The following CACNB1 variants were observed in gnomAD, a reference collection of about 807,000 sequenced individuals.
The protein encoded by CACNB1 is calcium voltage-gated channel auxiliary subunit beta 1, also known as voltage-dependent L-type calcium channel subunit beta-1.
In CACNB1, 29 loss-of-function variants were observed where a neutral mutation model predicts 71.6. That is an observed-to-expected ratio of 0.40 (90% CI 0.30 to 0.55). CACNB1 has a LOEUF of 0.55. Among genes scored for constraint, CACNB1 ranks in the 20% least tolerant of loss-of-function variants. The probability of loss-of-function intolerance (pLI) is 0.38; values close to 1 mark genes in which losing one functional copy is unlikely to be tolerated. For missense variants in CACNB1, 623 were observed against 801.8 expected, an observed-to-expected ratio of 0.78 and a Z score of 2.69; for synonymous variants, 300 against 319.6, an observed-to-expected ratio of 0.94 and a Z score of 0.65.
rs766765217 is a variant in CACNB1 at position 39,187,605 on chromosome 17, G to A, written c.292-4C>T. ...CAGCAAATGCCACTGGCTTGGTCTAGAGGAGGCACACAGGGGAGGATGGCA... is the reference window on the plus strand; with the variant it reads ...CAGCAAATGCCACTGGCTTGGTCTAAAGGAGGCACACAGGGGAGGATGGCA... On this transcript the variant is annotated splice_polypyrimidine_tract_variant and splice_region_variant and intron_variant, in intron 3 of 13. Transcript: ENST00000394303. 9.3e-6 allele frequency: 15 copies of A among 1,614,074 alleles called. No individual in the cohort carries two copies. The African/African-American group carries it at 1.9e-4, about 20-fold the overall frequency.
Position 39,175,802 on chromosome 17 carries a change from A to C in CACNB1, c.1333-145T>G. 856 of 621,750 alleles carry C rather than the reference A, an allele frequency of 1.4e-3. No homozygotes were observed. Among genetic ancestry groups the C allele is most frequent in the East Asian group, 2.5e-3 (82 of 32,978 alleles). The allele number at this position is 621,750 out of a possible 1,614,324, so 38.5% of individuals were successfully genotyped here. The stretch of plus-strand genomic sequence containing the variant: ...CTCTAGAGGAGGGGCCCCGGGGACA[A>C]ACGGCTCTGGAGCCCAGCCAGAGGA... On this transcript the variant is annotated intron_variant, in intron 13 of 13. Transcript: ENST00000394303. The surrounding 1 kb of genome is among the most constrained non-coding windows in gnomAD (Gnocchi z 4.7).
At chr17:39,195,882 C>A (rs1437053354) in intron 1 of CACNB1, among the ~76,000 whole-genome samples, 1 of 152,180 alleles carries the variant, frequency 6.6e-6, no homozygotes, top group Non-Finnish European at 1.5e-5. Flanking sequence ...AGGGGGTAAG[C>A]TGGCTCAGTC....
rs989884278 is a variant in CACNB1 at position 39,173,665 on chromosome 17, C to A, written c.*1528G>T. The A allele has an allele frequency of 5.2e-5, 8 of 152,382 alleles. No homozygotes were observed. Among genetic ancestry groups the A allele is most frequent in the African/African-American group, 1.9e-4 (8 of 41,436 alleles). 9.4% of individuals were successfully genotyped at this position (152,382 alleles called of 1,614,324 possible). On this transcript the variant is annotated 3_prime_UTR_variant, in exon 14 of 14. Transcript: ENST00000394303. ...GGCCAAAATCAAAGGATCATCTTTT[C>A]TTTTGAGTCAATGACTCAGGGCACA... is the stretch of plus-strand genomic sequence containing the variant.
chr17:39,186,107 G>C lies in CACNB1; in HGVS notation c.628+389C>G. 6.2e-7 allele frequency: 1 copy of C among 1,613,414 alleles called. No individual in the cohort carries two copies. Among genetic ancestry groups the C allele is most frequent in the Non-Finnish European group, 8.5e-7 (1 of 1,179,582 alleles). Reference sequence around the variant, plus strand: ...GGCTAAGTTAGTCATTTCATTACCTGGACCGGAGAGTCAGGAGAGAGGGAG... The same window carrying C: ...GGCTAAGTTAGTCATTTCATTACCTCGACCGGAGAGTCAGGAGAGAGGGAG... On this transcript the variant is annotated intron_variant, in intron 6 of 13. Coordinates refer to ENST00000394303, the MANE Select transcript of CACNB1 (RefSeq NM_000723.5). The surrounding 1 kb of genome is among the most constrained non-coding windows in gnomAD (Gnocchi z 4.1).
At position 39,184,385 on chromosome 17, in the gene CACNB1, T is replaced by C; in HGVS notation, c.730-2A>G. The stretch of plus-strand genomic sequence containing the variant: ...AGCTTTCTGCATCATGTCTGTAACC[T>C]GGGGGTGGGGGTTTGTGGGGAGGGA... On this transcript the variant is annotated splice_acceptor_variant, in intron 8 of 13. Coordinates refer to ENST00000394303, the MANE Select transcript of CACNB1 (RefSeq NM_000723.5). LOFTEE classifies it high-confidence loss of function. 1.8e-6 allele frequency: 1 copy of C among 561,842 alleles called. No homozygotes were observed. The highest frequency in any genetic ancestry group is 3.1e-6 in the Non-Finnish European group (1 of 321,378). 34.8% of individuals were successfully genotyped at this position (561,842 alleles called of 1,614,324 possible).
At chr17:39,185,053 G>T in intron 7 of CACNB1, 78 bp downstream of exon 7, 1 of 1,312,744 alleles carries the variant, frequency 7.6e-7, no homozygotes, top group Non-Finnish European at 1.1e-6. Context: ...GGGGACAGAT[G>T]TGGGAATGGG....
At chr17:39,177,934 C>A in intron 12 of CACNB1, 50 bp downstream of exon 12, 1 of 1,443,820 alleles carries the variant, frequency 6.9e-7, no homozygotes, top group Non-Finnish European at 9.8e-7. Flanking sequence ...GAAACCAGGA[C>A]AACCCAAATG....
In CACNB1 at chr17:39,175,281, G is replaced by A. The variant is rs2045547346; in HGVS notation, c.1709C>T (p.Ala570Val). ...ACCCCCACCCTCAGCGCAGTAGCGGGCCTTATTCCGGCCCCGGTTCCGGTT... is the reference window on the plus strand; with the variant it reads ...ACCCCCACCCTCAGCGCAGTAGCGGACCTTATTCCGGCCCCGGTTCCGGTT... ...TDNRNRGRNKARYCAEGGGPV... is the reference protein window; with the variant it reads ...TDNRNRGRNKVRYCAEGGGPV... The change falls in exon 14 of 14, where the codon GCC becomes GTC. Residue 570 changes from alanine (A) to valine (V), a missense_variant. By Grantham distance (64) the Ala-to-Val change is moderately conservative (BLOSUM62 0). Transcript: ENST00000394303. The surrounding 1 kb of genome is among the most constrained non-coding windows in gnomAD (Gnocchi z 4.7). The A allele has an allele frequency of 6.2e-7, 1 of 1,614,060 alleles. No homozygotes were observed. Among genetic ancestry groups the A allele is most frequent in the Non-Finnish European group, 8.5e-7 (1 of 1,180,028 alleles).
intron 4 of CACNB1, 196 bp from the exon 5 acceptor site, chr17:39,187,125 T>C: frequency 1.6e-6 from 1 of 629,060 alleles, no homozygotes; most frequent in South Asian, 2.0e-5. Flanking sequence ...GCATGCTTTC[T>C]GGCCATGGAC....
intron 6 of CACNB1, among the ~76,000 whole-genome samples, 191 bp from the exon 7 acceptor site, chr17:39,185,341 G>A (rs146711919): frequency 6.6e-6 from 1 of 152,230 alleles, no homozygotes; most frequent in East Asian, 1.9e-4. Context: ...ACGCCAAGGG[G>A]GAGCCAGAGG....
intron 11 of CACNB1, among the ~76,000 whole-genome samples, chr17:39,182,393 T>G (rs2045792929): frequency 6.7e-6 from 1 of 149,654 alleles, no homozygotes; most frequent in South Asian, 2.1e-4. Context: ...TTACCACTAT[T>G]GGCTGCCCTC....
Position 39,177,991 on chromosome 17 carries a change from C to T in CACNB1, c.1139G>A (p.Cys380Tyr). 2 of 1,612,956 alleles carry T rather than the reference C, an allele frequency of 1.2e-6. No individual in the cohort carries two copies. Among genetic ancestry groups the T allele is most frequent in the East Asian group, 2.2e-5 (1 of 44,870 alleles). Residue 380 changes from cysteine (C) to tyrosine (Y), a missense_variant, in exon 12 of 14, where the codon TGC (cysteine) becomes TAC (tyrosine). Coordinates refer to ENST00000394303, the MANE Select transcript of CACNB1 (RefSeq NM_000723.5). ...TGGGATCTAGGCACTCACAGGGGGGCACTGTGCCAGCTTTTCCGAGGCCGC... is the reference window on the plus strand; with the variant it reads ...TGGGATCTAGGCACTCACAGGGGGGTACTGTGCCAGCTTTTCCGAGGCCGC... ...QIAASEKLAQ[C>Y]PPEMFDIILD...
In CACNB1 at chr17:39,187,468, C is replaced by A. The variant is rs1217455388; in HGVS notation, c.414+11G>T. On this transcript the variant is annotated intron_variant, in intron 4 of 13. Transcript: ENST00000394303. ...GGCACCCACTTCCCTGCCCTCCCTC[C>A]AGATACCCACCTCCTTGATGTGCAG... 6.2e-7 allele frequency: 1 copy of A among 1,613,810 alleles called. No homozygotes were observed. The highest frequency in any genetic ancestry group is 8.5e-7 in the Non-Finnish European group (1 of 1,179,814).
At chr17:39,184,698 G>T in intron 8 of CACNB1, 86 bp downstream of exon 8, 1 of 973,606 alleles carries the variant, frequency 1.0e-6, no homozygotes. Flanking sequence ...GGATGCCTTG[G>T]GATCGGGCCC....
Position 39,175,108 on chromosome 17 carries a change from G to C in CACNB1, c.*85C>G, listed in dbSNP as rs1457228490. ...AGGAGGGAGACAGCGCCCCCTGGAGGCGAATACATGTCAGGTGTGAGCCCC... is the reference window on the plus strand; with the variant it reads ...AGGAGGGAGACAGCGCCCCCTGGAGCCGAATACATGTCAGGTGTGAGCCCC... On this transcript the variant is annotated 3_prime_UTR_variant, in exon 14 of 14. Transcript: ENST00000394303. This position sits in a 1 kb window ranked among gnomAD's most constrained non-coding sequence, Gnocchi z 4.7. 1 of 1,112,384 alleles carries C rather than the reference G, an allele frequency of 9.0e-7. No homozygotes were observed. Among genetic ancestry groups the C allele is most frequent in the Non-Finnish European group, 1.3e-6 (1 of 765,528 alleles). 68.9% of individuals were successfully genotyped at this position (1,112,384 alleles called of 1,614,324 possible).
intron 7 of CACNB1, 100 bp downstream of exon 7, chr17:39,185,031 G>T: frequency 8.7e-7 from 1 of 1,154,574 alleles, no homozygotes; most frequent in Non-Finnish European, 1.3e-6. Context: ...ACCAGGAAGG[G>T]TGGGGGAAAT....
chr17:39,193,249 CAGACACACATGT>C (rs1263459865), intron 2 of CACNB1: 3 of 300,840 alleles, frequency 1.0e-5, no homozygotes, highest in Non-Finnish European at 1.3e-5. Context: ...CAGGTGCACA[CAGACACACATGT>C]AGGCATGCGC....
chr17:39,176,167 G>A (rs73304963), intron 13 of CACNB1, among the ~76,000 whole-genome samples: 1 of 152,030 alleles, frequency 6.6e-6, no homozygotes, highest in South Asian at 2.1e-4. Flanking sequence ...TTCCCTAGTC[G>A]GATGACACCA....
Position 39,177,285 on chromosome 17 carries a change from C to A in CACNB1, c.1332+65G>T, listed in dbSNP as rs762853043. 5.0e-6 allele frequency: 8 copies of A among 1,609,354 alleles called. No homozygotes were observed. In the South Asian group the frequency reaches 8.9e-5, roughly 18 times the overall value. On this transcript the variant is annotated intron_variant, in intron 13 of 13. Transcript: ENST00000394303. ...CTGCTCCTGGGGCACCACACTGCCC[C>A]GCTGTGAGGACTCCAGCCCGCCCCA... is the stretch of plus-strand genomic sequence containing the variant.
Sources: gnomAD v4.1 joint callset for allele counts (sites outside exome capture counted in the v4.1 genomes callset) on GRCh38, gnomAD v4.1.1 for gene constraint, Gnocchi (gnomAD v3.1) non-coding constraint, MANE v1.5 for transcripts, NCBI Gene and HGNC (gene_info 2026-07-23, HGNC 2026-07-21) for gene names.